Variants in WDR25 observed in about 807,000 individuals in gnomAD.
WDR25 encodes the protein WD repeat domain 25.
In WDR25, 35 loss-of-function variants were observed where a neutral mutation model predicts 47.7. The observed-to-expected ratio is 0.73, with a 90% CI of 0.56 to 0.97. The LOEUF is 0.97. WDR25 is among the 50% of genes least tolerant of loss of function. The pLI, the probability that WDR25 is intolerant of heterozygous loss-of-function variation, is 0.00. For missense variants in WDR25, 634 were observed against 704.7 expected (o/e 0.90, Z 1.14); for synonymous variants, 248 against 278.9 (o/e 0.89, Z 1.10).
In WDR25 at chr14:100,404,721, G is replaced by C. The variant is rs1205052155; in HGVS notation, c.822+22975G>C. ...GACTGGGAGATGCTGACCTGACTCTGTTTCTCTAGGGCCATGATCCTGACT... is the reference window on the plus strand; with the variant it reads ...GACTGGGAGATGCTGACCTGACTCTCTTTCTCTAGGGCCATGATCCTGACT... On this transcript the variant is annotated intron_variant, in intron 2 of 6. Coordinates refer to ENST00000402312, the MANE Select transcript of WDR25 (RefSeq NM_001161476.3). This position sits in a 1 kb window ranked among gnomAD's most constrained non-coding sequence, Gnocchi z 4.6. Among the ~76,000 whole-genome samples the C allele has an allele frequency of 3.3e-5, 5 of 152,138 alleles. No homozygotes were observed. The highest frequency in any genetic ancestry group is 2.6e-4 in the Admixed American group (4 of 15,282).
At chr14:100,527,315 CCA>C (rs2030233024) in intron 5 of WDR25, among the ~76,000 whole-genome samples, 7 of 151,946 alleles carry the variant, frequency 4.6e-5, no homozygotes, top group East Asian at 1.9e-4. Flanking sequence ...GTTATCATCA[CCA>C]CCACCACCAC....
At chr14:100,492,146 A>T (rs964410144) in intron 4 of WDR25, among the ~76,000 whole-genome samples, 1 of 152,262 alleles carries the variant, frequency 6.6e-6, no homozygotes, top group Admixed American at 6.5e-5. Context: ...CTAAAGCTGT[A>T]GAAGGGACTG....
rs530620704 is a variant in WDR25 at position 100,440,640 on chromosome 14, T to A, written c.823-27381T>A. On this transcript the variant is annotated intron_variant, in intron 2 of 6. Coordinates refer to ENST00000402312, the MANE Select transcript of WDR25 (RefSeq NM_001161476.3). The surrounding 1 kb of genome is among the most constrained non-coding windows in gnomAD (Gnocchi z 4.4). ...GCTATACGCATCCTTCCAGGCAACCTTCACCTTCTGGTCTATTTAGTCTCA... is the reference window on the plus strand; with the variant it reads ...GCTATACGCATCCTTCCAGGCAACCATCACCTTCTGGTCTATTTAGTCTCA... Among the ~76,000 whole-genome samples the A allele has an allele frequency of 6.6e-6, 1 of 152,258 alleles. No individual in the cohort carries two copies. Among genetic ancestry groups the A allele is most frequent in the African/African-American group, 2.4e-5 (1 of 41,468 alleles).
intron 2 of WDR25, among the ~76,000 whole-genome samples, chr14:100,386,356 T>C (rs956406203): frequency 6.6e-6 from 1 of 152,348 alleles, no homozygotes; most frequent in Non-Finnish European, 1.5e-5. Context: ...TATTGCATAG[T>C]ATGTGCAGTT....
chr14:100,390,688 C>T (rs952402011), intron 2 of WDR25, among the ~76,000 whole-genome samples: 4 of 152,170 alleles, frequency 2.6e-5, no homozygotes, highest in African/African-American at 9.7e-5. Flanking sequence ...CCATCCTGTC[C>T]TCCAGCTTGG....
At chr14:100,483,963 T>C (rs774768711) in intron 3 of WDR25, 31 bp from the exon 4 acceptor site, 6 of 1,594,880 alleles carry the variant, frequency 3.8e-6, no homozygotes, top group East Asian at 4.5e-5. Flanking sequence ...CTAAGTACTT[T>C]CTAACCCTCT....
chr14:100,419,616 C>T lies in WDR25; in HGVS notation c.822+37870C>T, dbSNP rs149762122. On this transcript the variant is annotated intron_variant, in intron 2 of 6. Coordinates refer to ENST00000402312, the MANE Select transcript of WDR25 (RefSeq NM_001161476.3). ...AGCCTGGTGTTTTCATTTAGAAAGC[C>T]GAGGTATAGTTTTACAGTTAGCCAC... 3.3e-4 allele frequency among the ~76,000 whole-genome samples: 50 copies of T among 152,106 alleles called. 1 individual carries two copies. The East Asian group carries it at 7.7e-3, about 24-fold the overall frequency.
intron 4 of WDR25, among the ~76,000 whole-genome samples, chr14:100,505,472 CTT>C (rs1901079501): frequency 6.6e-6 from 1 of 152,162 alleles, no homozygotes; most frequent in Non-Finnish European, 1.5e-5. Context: ...ATATCATACT[CTT>C]TTGGTTACTG....
At chr14:100,479,497 G>A (rs61230123) in intron 3 of WDR25, among the ~76,000 whole-genome samples, 11,366 of 151,840 alleles carry the variant, frequency 0.075, 1,415 homozygotes, top group African/African-American at 0.26. Flanking sequence ...TGAGAGAGTC[G>A]TTTGTCTGCT....
At chr14:100,444,033 G>T (rs940148253) in intron 2 of WDR25, among the ~76,000 whole-genome samples, 88 of 152,288 alleles carry the variant, frequency 5.8e-4, no homozygotes, top group African/African-American at 2.0e-3. Context: ...GACACCAGGA[G>T]CCCAGCCCCA....
At chr14:100,484,486 G>A (rs534193444) in intron 4 of WDR25, among the ~76,000 whole-genome samples, 14 of 151,498 alleles carry the variant, frequency 9.2e-5, no homozygotes, top group Admixed American at 5.3e-4. Flanking sequence ...GTGTGTGTGC[G>A]TGTGTGTGTG....
rs1015253623 is a variant in WDR25, at chr14:100,494,037, C to T, written c.1101+9913C>T. On this transcript the variant is annotated intron_variant, in intron 4 of 6. Coordinates refer to ENST00000402312, the MANE Select transcript of WDR25 (RefSeq NM_001161476.3). ...CCTCAGCTGTATCCATGCTACTAAA[C>T]TCATAAAAAGCATTCTTCAATTTTT... Among the ~76,000 whole-genome samples the T allele has an allele frequency of 2.6e-5, 4 of 152,238 alleles. No homozygotes were observed. The South Asian group carries it at 8.3e-4, about 32-fold the overall frequency.
chr14:100,482,715 A>C (rs1900245945), intron 3 of WDR25, among the ~76,000 whole-genome samples: 1 of 152,200 alleles, frequency 6.6e-6, no homozygotes, highest in Non-Finnish European at 1.5e-5. Context: ...AACACAAAGC[A>C]GGGCAACCTT....
In WDR25 at chr14:100,377,525, G is replaced by A. The variant is rs551822070; in HGVS notation, c.-16+1030G>A. 3.0e-3 allele frequency among the ~76,000 whole-genome samples: 449 copies of A among 151,834 alleles called. 2 individuals are homozygous for A. The highest frequency in any genetic ancestry group is 0.01 in the African/African-American group (424 of 41,354). ...GGGTTTCACCATGTTGGCCAGGCTG[G>A]TCTTGAACCCCCGACCTCAGGTAAT... On this transcript the variant is annotated intron_variant, in intron 1 of 6. Transcript: ENST00000402312.
chr14:100,401,765 C>T (rs1157470490), intron 2 of WDR25, among the ~76,000 whole-genome samples: 1 of 152,232 alleles, frequency 6.6e-6, no homozygotes, highest in Non-Finnish European at 1.5e-5. Context: ...ACTTCATCCC[C>T]TGGAACTTGC....
rs143591617 is a variant in WDR25, at chr14:100,389,333, A to G, written c.822+7587A>G. 1.5e-4 allele frequency among the ~76,000 whole-genome samples: 23 copies of G among 152,338 alleles called. No individual in the cohort carries two copies. The East Asian group carries it at 4.2e-3, about 28-fold the overall frequency. ...TACTTTGTTTTTGTAGCCTGCATTT[A>G]AAATCATAGGGTGGTCATTTCTCCC... On this transcript the variant is annotated intron_variant, in intron 2 of 6. Coordinates refer to ENST00000402312, the MANE Select transcript of WDR25 (RefSeq NM_001161476.3).
Position 100,499,501 on chromosome 14 carries a change from G to A in WDR25, c.1101+15377G>A, listed in dbSNP as rs1024364209. Among the ~76,000 whole-genome samples the A allele has an allele frequency of 6.6e-6, 1 of 152,200 alleles. No individual in the cohort carries two copies. The stretch of plus-strand genomic sequence containing the variant: ...AACCACTGCCTGCTTCCTTCCAGAA[G>A]TGGAAGTGCCAGCTAACCCTGAAGA... On this transcript the variant is annotated intron_variant, in intron 4 of 6. Transcript: ENST00000402312. The surrounding 1 kb of genome is among the most constrained non-coding windows in gnomAD (Gnocchi z 4.4).
chr14:100,520,040 G>A (rs564925892), intron 4 of WDR25, among the ~76,000 whole-genome samples: 20 of 143,784 alleles, frequency 1.4e-4, no homozygotes, highest in South Asian at 6.4e-4. Context: ...TCATTTGGGC[G>A]TGTACATATA....
intron 5 of WDR25, among the ~76,000 whole-genome samples, chr14:100,528,384 C>G (rs920331694): frequency 6.6e-6 from 1 of 152,140 alleles, no homozygotes; most frequent in Non-Finnish European, 1.5e-5. Flanking sequence ...CATCTTCACA[C>G]CACCTTCACT....
Sources: allele counts gnomAD v4.1 joint callset (sites outside exome capture counted in the v4.1 genomes callset), GRCh38; gene constraint gnomAD v4.1.1; non-coding constraint Gnocchi (gnomAD v3.1); transcripts MANE v1.5; gene names NCBI Gene and HGNC (gene_info 2026-07-23, HGNC 2026-07-21).